The following SEL1L2 variants were observed in gnomAD, a reference collection of about 807,000 sequenced individuals.
SEL1L2 encodes SEL1L2 adaptor subunit of SYVN1 ubiquitin ligase, also known as protein sel-1 homolog 2.
SEL1L2 carries 89 observed loss-of-function variants against 98.8 expected under a neutral mutation model. The ratio of observed to expected loss-of-function variants is 0.90; its 90% CI spans 0.76 to 1.07. The LOEUF (loss-of-function observed/expected upper bound fraction) is 1.07, where lower values mean the gene tolerates loss of function less well. Among genes scored for constraint, SEL1L2 ranks in the 50% least tolerant of loss-of-function variants. SEL1L2 has a pLI of 0.00. For missense variants in SEL1L2, 788 were observed against 812.0 expected, an observed-to-expected ratio of 0.97 and a Z score of 0.36; for synonymous variants, 262 against 278.5, an observed-to-expected ratio of 0.94 and a Z score of 0.59.
chr20:13,883,989 A>G (rs1568892866), intron 10 of SEL1L2, among the ~76,000 whole-genome samples: 1 of 152,244 alleles, frequency 6.6e-6, no homozygotes, highest in Non-Finnish European at 1.5e-5. Flanking sequence ...AAGAAAATCT[A>G]TGGATCTTCA....
intron 2 of SEL1L2, among the ~76,000 whole-genome samples, chr20:13,939,373 G>A (rs2049636299): frequency 6.6e-6 from 1 of 151,928 alleles, no homozygotes; most frequent in South Asian, 2.1e-4. Flanking sequence ...CTCTTAAGCA[G>A]AATATCTTAA....
intron 12 of SEL1L2, among the ~76,000 whole-genome samples, chr20:13,871,535 G>A (rs1355411954): frequency 3.3e-5 from 5 of 149,824 alleles, no homozygotes; most frequent in Non-Finnish European, 7.4e-5. Context: ...TTTTTGAGAC[G>A]GAGTCTCACT....
intron 18 of SEL1L2, among the ~76,000 whole-genome samples, chr20:13,856,304 A>G (rs1477511602): frequency 1.3e-5 from 2 of 151,940 alleles, no homozygotes; most frequent in African/African-American, 4.8e-5. Flanking sequence ...TAATTTTTGC[A>G]TTTTTAGTAG....
intron 5 of SEL1L2, among the ~76,000 whole-genome samples, chr20:13,897,802 T>C (rs547549097): frequency 6.6e-6 from 1 of 151,160 alleles, no homozygotes; most frequent in Admixed American, 6.6e-5. Context: ...AAGGTGGAGG[T>C]TGAAGTGAGC....
chr20:13,917,763 A>T (rs1237236716), intron 4 of SEL1L2, among the ~76,000 whole-genome samples: 1 of 128,562 alleles, frequency 7.8e-6, no homozygotes, highest in South Asian at 2.4e-4. Context: ...CTCAGGGCCC[A>T]TACTTTCTTT....
At position 13,940,482 on chromosome 20, in the gene SEL1L2, T is replaced by C. The variant is rs1281067794; in HGVS notation, c.115-8711A>G. On this transcript the variant is annotated intron_variant, in intron 2 of 19. Transcript: ENST00000284951. Reference sequence around the variant, plus strand: ...TCAAAGAGAAAGACACAGAGAGAAGTAGGGGGGTGATATCATACAGGGACA... The same window carrying C: ...TCAAAGAGAAAGACACAGAGAGAAGCAGGGGGGTGATATCATACAGGGACA... Among the ~76,000 whole-genome samples the C allele has an allele frequency of 4.6e-5, 7 of 151,312 alleles. No individual in the cohort carries two copies. The East Asian group carries it at 1.2e-3, about 25-fold the overall frequency.
rs1301467669 is a variant in SEL1L2, at chr20:13,942,561, C to T, written c.115-10790G>A. The stretch of plus-strand genomic sequence containing the variant: ...TGATGCATCCTTAAGTTTAAGAACC[C>T]CTGCCCTAGGTAATAGTGGAAGAAG... On this transcript the variant is annotated intron_variant, in intron 2 of 19. Coordinates refer to ENST00000284951, the MANE Select transcript of SEL1L2 (RefSeq NM_025229.2). 2.0e-5 allele frequency among the ~76,000 whole-genome samples: 3 copies of T among 152,124 alleles called. No individual in the cohort carries two copies. The East Asian group carries it at 5.8e-4, about 29-fold the overall frequency.
At chr20:13,921,208 T>C (rs951562448) in intron 3 of SEL1L2, among the ~76,000 whole-genome samples, 2 of 152,248 alleles carry the variant, frequency 1.3e-5, no homozygotes, top group African/African-American at 2.4e-5. Context: ...TTCTTCACTC[T>C]GTTGCCCCGG....
Position 13,859,396 on chromosome 20 carries a change from A to G in SEL1L2, c.1684T>C (p.Tyr562His). The change falls in exon 18 of 20, where the codon TAC becomes CAC. Residue 562 changes from tyrosine (Y) to histidine (H), a missense_variant. Coordinates refer to ENST00000284951, the MANE Select transcript of SEL1L2 (RefSeq NM_025229.2). ...TCTTTCTTAGTCCCATAGCCATAGT[A>G]ATGGTAATCTCCAATTTTTACTCTA... Reference protein sequence around the residue: ...FARVKIGDYHYYGYGTKKDYQ... With the variant: ...FARVKIGDYHHYGYGTKKDYQ... 20 of 1,614,048 alleles carry G rather than the reference A, an allele frequency of 1.2e-5. No homozygotes were observed. Among genetic ancestry groups the G allele is most frequent in the Non-Finnish European group, 1.7e-5 (20 of 1,179,924 alleles).
chr20:13,885,416 A>C lies in SEL1L2; in HGVS notation c.901-13T>G. The C allele has an allele frequency of 6.4e-7, 1 of 1,572,028 alleles. No homozygotes were observed. Among genetic ancestry groups the C allele is most frequent in the Non-Finnish European group, 8.8e-7 (1 of 1,141,822 alleles). On this transcript the variant is annotated splice_polypyrimidine_tract_variant and intron_variant, in intron 9 of 19. Coordinates refer to ENST00000284951, the MANE Select transcript of SEL1L2 (RefSeq NM_025229.2). ...GTCCAAGAGAGACCTAGGAATGATG[A>C]GTTTGGAAATGATTTTAGCAGCAGT... is the stretch of plus-strand genomic sequence containing the variant.
chr20:13,849,662 C>A (rs552138849), intron 19 of SEL1L2, 58 bp from the exon 20 acceptor site: 4 of 1,589,616 alleles, frequency 2.5e-6, no homozygotes, highest in Admixed American at 1.7e-5. Context: ...CCACTCAGAG[C>A]CACCATCTCT....
intron 2 of SEL1L2, among the ~76,000 whole-genome samples, chr20:13,932,330 T>C (rs964809203): frequency 6.6e-6 from 1 of 152,108 alleles, no homozygotes; most frequent in Admixed American, 6.5e-5. Flanking sequence ...AAAAGCTTTA[T>C]GGAAGTAAAT....
chr20:13,981,819 G>T (rs2051845485), intron 1 of SEL1L2, among the ~76,000 whole-genome samples: 1 of 152,152 alleles, frequency 6.6e-6, no homozygotes, highest in African/African-American at 2.4e-5. Flanking sequence ...CTTTTCCCTG[G>T]TTACAGGTAC....
intron 5 of SEL1L2, among the ~76,000 whole-genome samples, chr20:13,901,646 A>AT (rs199552772): frequency 2.7e-5 from 4 of 148,176 alleles, no homozygotes; most frequent in African/African-American, 5.0e-5. Context: ...TTTTTTTTAA[A>AT]TTTTTTTTGC....
intron 1 of SEL1L2, among the ~76,000 whole-genome samples, chr20:13,958,934 A>AAG: frequency 6.6e-6 from 1 of 151,800 alleles, no homozygotes; most frequent in East Asian, 1.9e-4. Flanking sequence ...AAAAAAAAAA[A>AAG]AAAAAGTTTT....
intron 2 of SEL1L2, among the ~76,000 whole-genome samples, chr20:13,933,318 G>A (rs1419469508): frequency 6.6e-6 from 1 of 152,030 alleles, no homozygotes; most frequent in African/African-American, 2.4e-5. Flanking sequence ...TGGTTTTTTA[G>A]AATATTCACA....
intron 12 of SEL1L2, among the ~76,000 whole-genome samples, chr20:13,870,879 C>T (rs552120118): frequency 8.9e-5 from 13 of 146,140 alleles, no homozygotes; most frequent in African/African-American, 2.3e-4. Flanking sequence ...GCCGAGATTG[C>T]GCCACTTCAC....
chr20:13,935,287 C>T (rs560220038), intron 2 of SEL1L2, among the ~76,000 whole-genome samples: 12 of 152,308 alleles, frequency 7.9e-5, no homozygotes, highest in African/African-American at 2.6e-4. Context: ...TCAGTCCCTG[C>T]TCTCAGAGCC....
rs1987829956 is a variant in SEL1L2 at position 13,849,375 on chromosome 20, T to C, written c.*110A>G. The C allele has an allele frequency of 1.4e-6, 2 of 1,382,926 alleles. No individual in the cohort carries two copies. The highest frequency in any genetic ancestry group is 3.9e-5 in the Admixed American group (2 of 51,932). The allele number at this position is 1,382,926 out of a possible 1,614,324, so 85.7% of individuals were successfully genotyped here. ...TCTTGTCTGTTTCCCATCACAGCCC[T>C]GAGCGGGAAACTGCAGCGGACTCTT... On this transcript the variant is annotated 3_prime_UTR_variant, in exon 20 of 20. Transcript: ENST00000284951.
Sources: allele counts gnomAD v4.1 joint callset (sites outside exome capture counted in the v4.1 genomes callset), GRCh38; gene constraint gnomAD v4.1.1; transcripts MANE v1.5; gene names NCBI Gene and HGNC (gene_info 2026-07-23, HGNC 2026-07-21).